The following SATL1 variants were observed in gnomAD, a reference collection of about 807,000 sequenced individuals.
SATL1 encodes the protein spermidine/spermine N1-acetyl transferase like 1, also known as spermidine/spermine N(1)-acetyltransferase-like protein 1.
A neutral mutation model predicts 51.8 loss-of-function variants in SATL1; 47 were observed. The ratio of observed to expected loss-of-function variants is 0.91; its 90% CI spans 0.72 to 1.16. The LOEUF (loss-of-function observed/expected upper bound fraction) is 1.16. Ranked by LOEUF, SATL1 falls within the 50% of genes most tolerant of loss-of-function variation. The probability of loss-of-function intolerance (pLI) is 0.00; values close to 1 mark genes in which losing one functional copy is unlikely to be tolerated. For missense variants in SATL1, 520 were observed against 526.4 expected, an observed-to-expected ratio of 0.99 and a Z score of 0.12; for synonymous variants, 176 against 182.4, an observed-to-expected ratio of 0.97 and a Z score of 0.28.
rs1409620795 is a variant in SATL1 at position 85,206,416 on chromosome X, G to T, written c.-313+17789C>A. Among the ~76,000 whole-genome samples, 12 of 111,277 alleles carry T rather than the reference G, an allele frequency of 1.1e-4. No individual in the cohort carries two copies. In the Admixed American group the frequency reaches 1.1e-3, roughly 11 times the overall value. On this transcript the variant is annotated intron_variant, in intron 2 of 7. Transcript: ENST00000644105. ...AAGAGAAAAACCCAGAGAGTGTGGT[G>T]GCATACCAGAAAAGAGAAAGAAGAA...
At chrX:85,211,605 T>C (rs1441014248) in intron 2 of SATL1, 1 of 111,447 alleles carries the variant, frequency 9.0e-6, no homozygotes, top group Non-Finnish European at 1.9e-5. Context: ...ACTATGACAA[T>C]GGGAAGGGGG....
At chrX:85,159,868 A>T (rs1013493750) in intron 2 of SATL1, among the ~76,000 whole-genome samples, 4 of 111,284 alleles carry the variant, frequency 3.6e-5, no homozygotes, top group African/African-American at 1.3e-4. Context: ...CTGCTGGGAC[A>T]TGTGAACAAG....
intron 1 of SATL1, among the ~76,000 whole-genome samples, chrX:85,238,996 A>G (rs1231828637): frequency 1.8e-5 from 2 of 111,245 alleles, no homozygotes; most frequent in African/African-American, 6.5e-5. Context: ...ACTCAAGATG[A>G]TTAATATCTA....
chrX:85,128,633 C>A (rs769347942), intron 2 of SATL1, among the ~76,000 whole-genome samples: 1 of 112,144 alleles, frequency 8.9e-6, no homozygotes, highest in Admixed American at 9.5e-5. Flanking sequence ...TTTTGCTGTG[C>A]AGAAGCTCTT....
In SATL1 at chrX:85,243,395, A is replaced by T. The variant is rs182345876; in HGVS notation, c.-435+193T>A. On this transcript the variant is annotated intron_variant, in intron 1 of 7. Transcript: ENST00000644105. Reference sequence around the variant, plus strand: ...TCCCACTTTTTGCAGACAGAAGCTGAAAGTGACACATTCATGAGATATTTA... The same window carrying T: ...TCCCACTTTTTGCAGACAGAAGCTGTAAGTGACACATTCATGAGATATTTA... 9.8e-5 allele frequency among the ~76,000 whole-genome samples: 11 copies of T among 112,401 alleles called. No homozygotes were observed. In the East Asian group the frequency reaches 3.1e-3, roughly 32 times the overall value.
intron 2 of SATL1, among the ~76,000 whole-genome samples, chrX:85,184,798 C>A (rs913908525): frequency 8.9e-6 from 1 of 111,930 alleles, no homozygotes; most frequent in South Asian, 3.7e-4. Flanking sequence ...TGAAAGGTGA[C>A]GTATTTCTAA....
At chrX:85,151,527 G>T (rs1224802332) in intron 2 of SATL1, among the ~76,000 whole-genome samples, 1 of 111,348 alleles carries the variant, frequency 9.0e-6, no homozygotes, top group Non-Finnish European at 1.9e-5. Context: ...TAAGCCAAAA[G>T]AACAAAGCTG....
chrX:85,108,962 G>T lies in SATL1; in HGVS notation c.7C>A (p.Gln3Lys), dbSNP rs1569229062. MN[Q>K]SGTNQSSLSD... is the part of the protein sequence containing the mutation. ...AAACTTGATTGGTTCGTGCCTGATT[G>T]GTTCATGCCCAGTTGATTCCTGCTT... The change falls in exon 3 of 8, where the codon CAA becomes AAA. Residue 3 changes from glutamine to lysine, a missense_variant. By Grantham distance (53) the Gln-to-Lys change is moderately conservative (BLOSUM62 1). This residue lies in a region of SATL1 where 22 missense variants were observed against 23.8 expected (regional missense o/e 0.92). Coordinates refer to ENST00000644105, the MANE Select transcript of SATL1 (RefSeq NM_001367857.2). 3 of 1,200,083 alleles carry T rather than the reference G, an allele frequency of 2.5e-6. No homozygotes were observed. The highest frequency in any genetic ancestry group is 3.4e-6 in the Non-Finnish European group (3 of 888,692).
intron 2 of SATL1, among the ~76,000 whole-genome samples, chrX:85,132,206 G>A (rs1268946516): frequency 1.8e-5 from 2 of 111,726 alleles, no homozygotes; most frequent in African/African-American, 3.2e-5. Context: ...GCCTTGCTAG[G>A]TTGGGGAAGT....
chrX:85,162,206 AAGTT>A (rs2147729043), intron 2 of SATL1, among the ~76,000 whole-genome samples: 1 of 111,808 alleles, frequency 8.9e-6, no homozygotes, highest in South Asian at 3.7e-4. Context: ...CCACGATAAA[AAGTT>A]AGAAAGGTCT....
At chrX:85,128,823 A>G (rs1925697663) in intron 2 of SATL1, among the ~76,000 whole-genome samples, 1 of 111,938 alleles carries the variant, frequency 8.9e-6, no homozygotes, top group African/African-American at 3.3e-5. Context: ...TAATTTTTGT[A>G]TAAGGTGTAA....
At chrX:85,239,937 C>T (rs1417868098) in intron 1 of SATL1, among the ~76,000 whole-genome samples, 1 of 104,232 alleles carries the variant, frequency 9.6e-6, no homozygotes, top group Non-Finnish European at 2.0e-5. Context: ...AAGCACAACA[C>T]ATGCAAGAAA....
chrX:85,106,422 G>C (rs1193303005), intron 3 of SATL1, among the ~76,000 whole-genome samples: 6 of 111,964 alleles, frequency 5.4e-5, no homozygotes, highest in Non-Finnish European at 1.1e-4. Flanking sequence ...TCTCCAAAGG[G>C]AACACAAACT....
At position 85,109,279 on chromosome X, in the gene SATL1, C is replaced by A; in HGVS notation, c.-311G>T. On this transcript the variant is annotated splice_region_variant and 5_prime_UTR_variant, in exon 3 of 8. Coordinates refer to ENST00000644105, the MANE Select transcript of SATL1 (RefSeq NM_001367857.2). ...AGTTTCAGGTTGTCATCTGGCCTTTCCCTGCCAAAAGGGGGGAAGTAAAGG... is the reference window on the plus strand; with the variant it reads ...AGTTTCAGGTTGTCATCTGGCCTTTACCTGCCAAAAGGGGGGAAGTAAAGG... 1 of 328,877 alleles carries A rather than the reference C, an allele frequency of 3.0e-6. No individual in the cohort carries two copies. The highest frequency in any genetic ancestry group is 5.3e-6 in the Non-Finnish European group (1 of 188,273). 27.1% of individuals were successfully genotyped at this position (328,877 alleles called of 1,213,427 possible).
At chrX:85,122,694 G>T (rs1267018532) in intron 2 of SATL1, among the ~76,000 whole-genome samples, 13 of 111,888 alleles carry the variant, frequency 1.2e-4, no homozygotes, top group African/African-American at 4.2e-4. Flanking sequence ...GAGTACCTGT[G>T]CAGGTTTGTT....
intron 1 of SATL1, among the ~76,000 whole-genome samples, chrX:85,225,369 C>T (rs902106521): frequency 6.3e-5 from 7 of 111,988 alleles, no homozygotes; most frequent in South Asian, 3.7e-4. Flanking sequence ...TGGGGGAAAC[C>T]GGGTAAATGG....
At chrX:85,231,053 G>C (rs1928372240) in intron 1 of SATL1, among the ~76,000 whole-genome samples, 1 of 111,228 alleles carries the variant, frequency 9.0e-6, no homozygotes. Context: ...CCCACTTCTG[G>C]GTATATATCC....
intron 2 of SATL1, among the ~76,000 whole-genome samples, chrX:85,203,898 A>G (rs1927738237): frequency 1.8e-5 from 2 of 112,122 alleles, no homozygotes; most frequent in South Asian, 7.5e-4. Flanking sequence ...TTGCTGCTCA[A>G]CCCCAAGGAT....
At chrX:85,135,189 A>T (rs1925922117) in intron 2 of SATL1, among the ~76,000 whole-genome samples, 1 of 110,799 alleles carries the variant, frequency 9.0e-6, no homozygotes, top group African/African-American at 3.3e-5. Context: ...GGACGGGGGT[A>T]GGGAGAGCAC....
Sources: gnomAD v4.1 joint callset for allele counts (sites outside exome capture counted in the v4.1 genomes callset) on GRCh38, gnomAD v4.1.1 for gene constraint, gnomAD v4.1.1 regional missense constraint, MANE v1.5 for transcripts, NCBI Gene and HGNC (gene_info 2026-07-23, HGNC 2026-07-21) for gene names.